Variants in CFAP299 observed in about 807,000 individuals in gnomAD.
CFAP299 encodes cilia and flagella associated protein 299.
Under a neutral mutation model 27.0 loss-of-function variants are expected in CFAP299, and 21 were observed. The observed-to-expected ratio is 0.78, with a 90% CI of 0.55 to 1.12. CFAP299 has a LOEUF of 1.12. CFAP299 is among the 50% of genes most tolerant of loss of function. The pLI, the probability that CFAP299 is intolerant of heterozygous loss-of-function variation, is 0.00. For missense variants in CFAP299, 310 were observed against 276.6 expected (o/e 1.12, Z -0.86); for synonymous variants, 104 against 98.1 (o/e 1.06, Z -0.36).
chr4:80,385,872 A>G (rs1209271666), intron 2 of CFAP299, among the ~76,000 whole-genome samples: 2 of 152,206 alleles, frequency 1.3e-5, no homozygotes, highest in Non-Finnish European at 2.9e-5. Flanking sequence ...CAGGGGACGC[A>G]ACTACCAGCC....
chr4:80,788,746 G>A lies in CFAP299; in HGVS notation c.334-81247G>A, dbSNP rs573664528. ...CCAGCTTCTCTGGGGGTGAGGGGAA[G>A]GGAAGTGAGAGGAAGAGAAAAGCCA... On this transcript the variant is annotated intron_variant, in intron 3 of 5. Coordinates refer to ENST00000358105, the MANE Select transcript of CFAP299 (RefSeq NM_152770.3). Among the ~76,000 whole-genome samples, 16 of 151,998 alleles carry A rather than the reference G, an allele frequency of 1.1e-4. No homozygotes were observed. The South Asian group carries it at 3.3e-3, about 32-fold the overall frequency.
chr4:80,820,310 A>T lies in CFAP299; in HGVS notation c.334-49683A>T, dbSNP rs193258731. On this transcript the variant is annotated intron_variant, in intron 3 of 5. Coordinates refer to ENST00000358105, the MANE Select transcript of CFAP299 (RefSeq NM_152770.3). Reference sequence around the variant, plus strand: ...CTACTATATGAAGCCTATTCCAGGCACAAGGATACAAGAGAGAAAATGAAA... The same window carrying T: ...CTACTATATGAAGCCTATTCCAGGCTCAAGGATACAAGAGAGAAAATGAAA... Among the ~76,000 whole-genome samples the T allele has an allele frequency of 3.4e-3, 522 of 152,308 alleles. 4 individuals carry two copies. Among genetic ancestry groups the T allele is most frequent in the Non-Finnish European group, 5.9e-3 (399 of 68,026 alleles).
At chr4:80,423,265 T>C (rs1727374516) in intron 2 of CFAP299, among the ~76,000 whole-genome samples, 1 of 152,202 alleles carries the variant, frequency 6.6e-6, no homozygotes, top group African/African-American at 2.4e-5. Flanking sequence ...TATGCACATA[T>C]GCCAAAGTTT....
At chr4:80,723,417 T>C (rs1443186570) in intron 3 of CFAP299, among the ~76,000 whole-genome samples, 1 of 152,194 alleles carries the variant, frequency 6.6e-6, no homozygotes, top group Non-Finnish European at 1.5e-5. Flanking sequence ...GAACTGCTGA[T>C]ACATGTTACA....
At chr4:80,645,693 C>T (rs977374006) in intron 3 of CFAP299, among the ~76,000 whole-genome samples, 2 of 152,136 alleles carry the variant, frequency 1.3e-5, no homozygotes, top group South Asian at 4.1e-4. Flanking sequence ...AAAGGAAGAA[C>T]TGATAGAACT....
chr4:80,387,196 C>T (rs771502236), intron 2 of CFAP299: 1 of 1,357,196 alleles, frequency 7.4e-7, no homozygotes. Flanking sequence ...TGTGGGAGTA[C>T]TGGTGCACGC....
chr4:80,740,187 A>G (rs1724173063), intron 3 of CFAP299, among the ~76,000 whole-genome samples: 1 of 152,158 alleles, frequency 6.6e-6, no homozygotes, highest in South Asian at 2.1e-4. Flanking sequence ...TGGTGAGGCC[A>G]TGTTTTTCTG....
At chr4:80,324,418 C>T in the CFAP299 span, among the ~76,000 whole-genome samples, 1 of 152,058 alleles carries the variant, frequency 6.6e-6, no homozygotes, top group South Asian at 2.1e-4. Context: ...CTAATTGGCT[C>T]GTAAAACTAC....
At chr4:80,959,019 G>C (rs1738203985) in intron 5 of CFAP299, among the ~76,000 whole-genome samples, 1 of 152,144 alleles carries the variant, frequency 6.6e-6, no homozygotes. Flanking sequence ...TTTCAAATGT[G>C]AGCAGTCTGG....
At chr4:80,800,563 AATATATT>A (rs1728484373) in intron 3 of CFAP299, among the ~76,000 whole-genome samples, 3 of 75,040 alleles carry the variant, frequency 4.0e-5, no homozygotes. Context: ...TATATTATAT[AATATATT>A]AATATAAATA....
intron 4 of CFAP299, among the ~76,000 whole-genome samples, chr4:80,926,633 G>A (rs1243927200): frequency 2.0e-5 from 3 of 151,942 alleles, no homozygotes; most frequent in Non-Finnish European, 4.4e-5. Flanking sequence ...AGATGGCAGT[G>A]TTACTTACTG....
At chr4:80,766,542 A>G (rs1261749884) in intron 3 of CFAP299, among the ~76,000 whole-genome samples, 1 of 152,192 alleles carries the variant, frequency 6.6e-6, no homozygotes, top group East Asian at 1.9e-4. Context: ...TCAGACACAC[A>G]TACAGACATA....
chr4:80,691,899 AACAG>A (rs1164982832), intron 3 of CFAP299, among the ~76,000 whole-genome samples: 1 of 152,176 alleles, frequency 6.6e-6, no homozygotes, highest in Non-Finnish European at 1.5e-5. Context: ...ATACACCAAC[AACAG>A]ACAAACAGAG....
rs143983320 is a variant in CFAP299 at position 80,567,843 on chromosome 4, A to G, written c.243-15250A>G. Among the ~76,000 whole-genome samples, 62 of 151,564 alleles carry G rather than the reference A, an allele frequency of 4.1e-4. No individual in the cohort carries two copies. In the East Asian group the frequency reaches 0.011, roughly 26 times the overall value. ...AATTAGAATGATGCTTGAAATTTTC[A>G]TTTATTTTTGCAACTGTGAAATGTA... On this transcript the variant is annotated intron_variant, in intron 2 of 5. Transcript: ENST00000358105.
intron 2 of CFAP299, chr4:80,388,244 G>T: frequency 1.4e-6 from 1 of 690,526 alleles, no homozygotes; most frequent in African/African-American, 1.8e-5. Flanking sequence ...CACAGGTCGC[G>T]GGCCCTAGGG....
the CFAP299 span, among the ~76,000 whole-genome samples, chr4:80,326,892 T>C: frequency 6.6e-6 from 1 of 152,228 alleles, no homozygotes; most frequent in South Asian, 2.1e-4. Context: ...ATCAAATGAT[T>C]GTTATAAAAT....
At chr4:80,488,519 G>A (rs1215516163) in intron 2 of CFAP299, among the ~76,000 whole-genome samples, 1 of 149,626 alleles carries the variant, frequency 6.7e-6, no homozygotes, top group Admixed American at 6.7e-5. Context: ...TGTTGCCCAG[G>A]CTGGAGTGCA....
intron 3 of CFAP299, among the ~76,000 whole-genome samples, chr4:80,660,088 A>C (rs1740762728): frequency 6.6e-6 from 1 of 152,168 alleles, no homozygotes; most frequent in African/African-American, 2.4e-5. Flanking sequence ...CACATATTAA[A>C]ATTTCTTACT....
intron 4 of CFAP299, among the ~76,000 whole-genome samples, chr4:80,909,360 A>T (rs1419063883): frequency 6.6e-6 from 1 of 152,090 alleles, no homozygotes; most frequent in East Asian, 1.9e-4. Flanking sequence ...TAAATTAAAA[A>T]TTGTAATTTA....
Sources: gnomAD v4.1 joint callset for allele counts (sites outside exome capture counted in the v4.1 genomes callset) on GRCh38, gnomAD v4.1.1 for gene constraint, MANE v1.5 for transcripts, NCBI Gene and HGNC (gene_info 2026-07-23, HGNC 2026-07-21) for gene names.